EML6: variants seen among roughly 807,000 people sequenced by gnomAD.
EML6 encodes the protein echinoderm microtubule-associated protein-like 6.
A neutral mutation model predicts 240.1 loss-of-function variants in EML6; 154 were observed. That is an observed-to-expected ratio of 0.64 (90% CI 0.56 to 0.73). EML6 has a LOEUF of 0.73. Among genes scored for constraint, EML6 ranks in the 30% least tolerant of loss-of-function variants. The pLI, the probability that EML6 is intolerant of heterozygous loss-of-function variation, is 0.00. For synonymous variants in EML6, 1,148 were observed against 899.0 expected (o/e 1.28, Z -4.95); for missense variants, 2,964 against 2,474.6 (o/e 1.20, Z -4.20).
intron 9 of EML6, among the ~76,000 whole-genome samples, chr2:54,848,056 G>A (rs1669866876): frequency 7.2e-6 from 1 of 139,356 alleles, no homozygotes; most frequent in South Asian, 2.2e-4. Context: ...AAAAGATTGT[G>A]GGCTTTGTAG....
intron 3 of EML6, among the ~76,000 whole-genome samples, chr2:54,815,464 A>G (rs892432430): frequency 1.2e-4 from 18 of 152,212 alleles, no homozygotes; most frequent in African/African-American, 4.1e-4. Context: ...AACTGTCACT[A>G]CAGATGAACA....
At chr2:54,967,174 TC>T in intron 39 of EML6, 71 bp downstream of exon 39, 1 of 1,014,314 alleles carries the variant, frequency 9.9e-7, no homozygotes, top group Non-Finnish European at 1.5e-6. Flanking sequence ...AGGCTCAGCC[TC>T]CAAGTCTGTG....
intron 4 of EML6, among the ~76,000 whole-genome samples, chr2:54,817,293 T>C (rs567471216): frequency 3.5e-4 from 53 of 152,356 alleles, no homozygotes; most frequent in Admixed American, 1.0e-3. Context: ...TGATTCTTTG[T>C]TGTATTTGAG....
At position 54,895,013 on chromosome 2, in the gene EML6, G is replaced by A. The variant is rs549781967; in HGVS notation, c.2841G>A (p.Ser947=). 9.0e-5 allele frequency: 140 copies of A among 1,550,342 alleles called. No individual in the cohort carries two copies. The highest frequency in any genetic ancestry group is 8.3e-4 in the Middle Eastern group (5 of 5,990). Residue 947 remains serine (S), a synonymous_variant, in exon 20 of 42, where the codon TCG becomes TCA. Transcript: ENST00000356458. ...KTYAIKRSAL[S]TSSKGLLLED... ...ATGCCATTAAAAGATCAGCATTGTC[G>A]ACTAGCTCAAAAGGTGCCACTCCCA...
chr2:54,830,767 C>T (rs1413327974), intron 7 of EML6, among the ~76,000 whole-genome samples: 1 of 152,202 alleles, frequency 6.6e-6, no homozygotes, highest in Non-Finnish European at 1.5e-5. Flanking sequence ...ATTGTACTTC[C>T]TGTTTATACC....
intron 2 of EML6, among the ~76,000 whole-genome samples, chr2:54,809,148 T>A (rs1018356273): frequency 2.0e-5 from 3 of 152,190 alleles, no homozygotes; most frequent in African/African-American, 4.8e-5. Flanking sequence ...CTGTAAAAGT[T>A]TTAATATTGT....
In EML6 at chr2:54,894,588, G is replaced by T. The variant is rs62134774; in HGVS notation, c.2743-327G>T. Reference sequence around the variant, plus strand: ...GAAACTCTGCTAGGTTTTGAGGCTGGTTCCATTCTGTAGGAACCACATTCT... The same window carrying T: ...GAAACTCTGCTAGGTTTTGAGGCTGTTTCCATTCTGTAGGAACCACATTCT... On this transcript the variant is annotated intron_variant, in intron 19 of 41. Transcript: ENST00000356458. 2.8e-3 allele frequency among the ~76,000 whole-genome samples: 423 copies of T among 152,246 alleles called. 1 individual carries two copies. Among genetic ancestry groups the T allele is most frequent in the Non-Finnish European group, 4.5e-3 (304 of 68,018 alleles).
At chr2:54,784,660 T>C (rs1668999388) in intron 2 of EML6, among the ~76,000 whole-genome samples, 1 of 152,228 alleles carries the variant, frequency 6.6e-6, no homozygotes, top group Non-Finnish European at 1.5e-5. Context: ...CATTAACACA[T>C]ATTTTCTATG....
intron 16 of EML6, among the ~76,000 whole-genome samples, chr2:54,874,500 G>A (rs898728848): frequency 6.6e-6 from 1 of 152,158 alleles, no homozygotes. Context: ...CTGGGAAAGA[G>A]CCCATTTTTC....
At chr2:54,906,496 C>T (rs1394732372) in intron 24 of EML6, among the ~76,000 whole-genome samples, 1 of 152,132 alleles carries the variant, frequency 6.6e-6, no homozygotes, top group African/African-American at 2.4e-5. Context: ...CCAAGGCCAG[C>T]CTCTTAGAGC....
Position 54,959,319 on chromosome 2 carries a change from G to T in EML6, c.4853+58G>T. 3 of 1,446,992 alleles carry T rather than the reference G, an allele frequency of 2.1e-6. No individual in the cohort carries two copies. In the South Asian group the frequency reaches 4.3e-5, roughly 21 times the overall value. The allele number at this position is 1,446,992 out of a possible 1,614,324, so 89.6% of individuals were successfully genotyped here. A position where few individuals can be genotyped will look rare whatever the true frequency, so the allele number is the denominator to read the frequency against. On this transcript the variant is annotated intron_variant, in intron 34 of 41. Coordinates refer to ENST00000356458, the MANE Select transcript of EML6 (RefSeq NM_001039753.4). Reference sequence around the variant, plus strand: ...GTTTGTTGTTATCTTGGGAGAAACTGACAAAAGTGTTCCCAACTTGGAGAA... The same window carrying T: ...GTTTGTTGTTATCTTGGGAGAAACTTACAAAAGTGTTCCCAACTTGGAGAA...
At chr2:54,856,360 A>G (rs1054177673) in intron 11 of EML6, among the ~76,000 whole-genome samples, 2 of 152,184 alleles carry the variant, frequency 1.3e-5, no homozygotes, top group Admixed American at 1.3e-4. Flanking sequence ...TGGGAGACTC[A>G]GAGGCTCTCC....
chr2:54,875,849 A>G (rs1458905715), intron 16 of EML6, among the ~76,000 whole-genome samples: 1 of 152,218 alleles, frequency 6.6e-6, no homozygotes, highest in Non-Finnish European at 1.5e-5. Context: ...GGTCAACCAC[A>G]GAAGTATTTT....
intron 25 of EML6, among the ~76,000 whole-genome samples, chr2:54,915,969 G>A (rs984493480): frequency 6.6e-5 from 10 of 152,094 alleles, no homozygotes; most frequent in African/African-American, 2.2e-4. Context: ...TAAGAAAGTG[G>A]AAAGAAAAAC....
intron 2 of EML6, among the ~76,000 whole-genome samples, chr2:54,743,985 C>T (rs1375443490): frequency 6.6e-6 from 1 of 152,020 alleles, no homozygotes; most frequent in African/African-American, 2.4e-5. Context: ...ATTTGGGTGG[C>T]CTCTAGGAGG....
At position 54,869,299 on chromosome 2, in the gene EML6, C is replaced by A. The variant is rs372144425; in HGVS notation, c.2170C>A (p.Leu724Met). ...NRQQHSQRLYLGHDDDILSLT... is the reference protein window; with the variant it reads ...NRQQHSQRLYMGHDDDILSLT... ...GCAGCAGCACTCCCAGAGGCTGTAC[C>A]TGGGGCACGATGACGACATTCTCAG... The change falls in exon 15 of 42, where the codon CTG (leucine) becomes ATG (methionine). Residue 724 changes from leucine (L) to methionine (M), a missense_variant. Leu to Met is a conservative substitution (Grantham distance 15). Coordinates refer to ENST00000356458, the MANE Select transcript of EML6 (RefSeq NM_001039753.4). 1 of 1,551,578 alleles carries A rather than the reference C, an allele frequency of 6.4e-7. No individual in the cohort carries two copies. Among genetic ancestry groups the A allele is most frequent in the Non-Finnish European group, 8.7e-7 (1 of 1,146,972 alleles).
chr2:54,954,777 A>G (rs1335092026), intron 32 of EML6, among the ~76,000 whole-genome samples: 2 of 152,176 alleles, frequency 1.3e-5, no homozygotes, highest in African/African-American at 4.8e-5. Flanking sequence ...AGAACTAAAG[A>G]TGTGCAGTCC....
intron 2 of EML6, among the ~76,000 whole-genome samples, chr2:54,756,153 T>C (rs1485622549): frequency 1.3e-5 from 2 of 152,142 alleles, no homozygotes; most frequent in Non-Finnish European, 2.9e-5. Flanking sequence ...CCCTCTGGGC[T>C]CTGCACTGCA....
chr2:54,733,244 G>T (rs1683249499), intron 2 of EML6, among the ~76,000 whole-genome samples: 2 of 152,192 alleles, frequency 1.3e-5, no homozygotes, highest in African/African-American at 2.4e-5. Context: ...AGGCTATGGA[G>T]AATTATTTTA....
Sources: allele counts gnomAD v4.1 joint callset (sites outside exome capture counted in the v4.1 genomes callset), GRCh38; gene constraint gnomAD v4.1.1; transcripts MANE v1.5; gene names NCBI Gene and HGNC (gene_info 2026-07-23, HGNC 2026-07-21).